The following UBE2E2 variants were observed in gnomAD, a reference collection of about 807,000 sequenced individuals.
UBE2E2 encodes ubiquitin-conjugating enzyme E2 E2.
In UBE2E2, 6 loss-of-function variants were observed where a neutral mutation model predicts 24.7. That is an observed-to-expected ratio of 0.24 (90% CI 0.13 to 0.48). The LOEUF is 0.48. Ranked by LOEUF, UBE2E2 falls within the 20% of genes least tolerant of loss-of-function variation. The probability of loss-of-function intolerance (pLI) is 0.99; values close to 1 mark genes in which losing one functional copy is unlikely to be tolerated. For synonymous variants in UBE2E2, 104 were observed against 83.6 expected (o/e 1.24, Z -1.33); for missense variants, 169 against 245.0 (o/e 0.69, Z 2.07).
chr3:23,326,698 A>T (rs1226284470), intron 3 of UBE2E2, among the ~76,000 whole-genome samples: 1 of 152,206 alleles, frequency 6.6e-6, no homozygotes, highest in Admixed American at 6.5e-5. Context: ...TTATACTTTA[A>T]GTTCTTGGGT....
intron 3 of UBE2E2, among the ~76,000 whole-genome samples, chr3:23,458,396 GGTGGT>G (rs1358212261): frequency 7.2e-6 from 1 of 139,038 alleles, no homozygotes; most frequent in East Asian, 2.7e-4. Flanking sequence ...GATCGCTGGT[GGTGGT>G]GGTGGTGGTG....
At chr3:23,419,653 C>T (rs1418321651) in intron 3 of UBE2E2, among the ~76,000 whole-genome samples, 1 of 152,166 alleles carries the variant, frequency 6.6e-6, no homozygotes, top group Non-Finnish European at 1.5e-5. Flanking sequence ...AAAAGCCAAA[C>T]TAGATTGTGA....
chr3:23,215,633 A>G (rs564594177), intron 2 of UBE2E2, among the ~76,000 whole-genome samples: 56 of 152,142 alleles, frequency 3.7e-4, no homozygotes, highest in Admixed American at 9.2e-4. Context: ...GCCTGTCTCA[A>G]CCTGTTTGAT....
Position 23,383,830 on chromosome 3 carries a change from A to AT in UBE2E2, c.228-115769dup, listed in dbSNP as rs576950550. 6.1e-3 allele frequency among the ~76,000 whole-genome samples: 915 copies of AT among 149,800 alleles called. 10 individuals carry two copies. Among genetic ancestry groups the AT allele is most frequent in the African/African-American group, 0.02 (828 of 40,952 alleles). On this transcript the variant is annotated intron_variant, in intron 3 of 5. Transcript: ENST00000396703. ...TATTCTTTGTTATTGTACCAATATG[A>AT]TTTTTTTTTAGGCTGCTGAATAGGG... is the stretch of plus-strand genomic sequence containing the variant.
chr3:23,271,222 G>A (rs529126801), intron 3 of UBE2E2: 19 of 379,156 alleles, frequency 5.0e-5, no homozygotes, highest in Non-Finnish European at 7.6e-5. Context: ...ACGGACCCTC[G>A]CGGTGAGTGT....
At chr3:23,520,275 A>G (rs1365845432) in intron 4 of UBE2E2, among the ~76,000 whole-genome samples, 1 of 152,176 alleles carries the variant, frequency 6.6e-6, no homozygotes, top group East Asian at 1.9e-4. Flanking sequence ...TAATAATAGT[A>G]CCCACCTTAC....
intron 3 of UBE2E2, among the ~76,000 whole-genome samples, chr3:23,238,297 G>T (rs886130036): frequency 2.6e-5 from 4 of 152,052 alleles, no homozygotes; most frequent in African/African-American, 9.7e-5. Context: ...CACAAGATCC[G>T]CCACTGTGAA....
At chr3:23,262,914 T>C (rs897560808) in intron 3 of UBE2E2, among the ~76,000 whole-genome samples, 14 of 152,218 alleles carry the variant, frequency 9.2e-5, no homozygotes, top group Admixed American at 9.2e-4. Flanking sequence ...TAAGCCTTAC[T>C]GTGGTCTTGA....
At chr3:23,350,986 G>C (rs1165190360) in intron 3 of UBE2E2, among the ~76,000 whole-genome samples, 1 of 152,220 alleles carries the variant, frequency 6.6e-6, no homozygotes, top group Non-Finnish European at 1.5e-5. Flanking sequence ...CAGCCAGAGA[G>C]AAAGGTCGGG....
intron 3 of UBE2E2, among the ~76,000 whole-genome samples, chr3:23,389,424 A>G (rs1057325853): frequency 5.9e-5 from 9 of 152,148 alleles, no homozygotes; most frequent in African/African-American, 1.9e-4. Flanking sequence ...GCCCCTCCAA[A>G]CTTTTTTCTG....
intron 3 of UBE2E2, among the ~76,000 whole-genome samples, chr3:23,251,848 T>C (rs1195712977): frequency 6.6e-6 from 1 of 152,214 alleles, no homozygotes; most frequent in African/African-American, 2.4e-5. Context: ...AATGATTTGC[T>C]ATACCCATAC....
At chr3:23,462,616 A>G (rs1176887349) in intron 3 of UBE2E2, among the ~76,000 whole-genome samples, 1 of 152,170 alleles carries the variant, frequency 6.6e-6, no homozygotes, top group Non-Finnish European at 1.5e-5. Flanking sequence ...TAGGAACAGG[A>G]CAAGATTAAG....
chr3:23,372,455 C>G (rs1464965971), intron 3 of UBE2E2, among the ~76,000 whole-genome samples: 1 of 152,206 alleles, frequency 6.6e-6, no homozygotes, highest in African/African-American at 2.4e-5. Flanking sequence ...TGCCTCTGCA[C>G]TATTAGTTGG....
rs151236396 is a variant in UBE2E2 at position 23,245,947 on chromosome 3, T to C, written c.227+28635T>C. Among the ~76,000 whole-genome samples, 88 of 152,312 alleles carry C rather than the reference T, an allele frequency of 5.8e-4. 3 individuals are homozygous for C. The East Asian group carries it at 0.016, about 27-fold the overall frequency. On this transcript the variant is annotated intron_variant, in intron 3 of 5. Transcript: ENST00000396703. ...ATGGATAAGTAGGTGGATAAAATGA[T>C]AAGTAAAATAACACATTTAAAAAGG...
intron 5 of UBE2E2, among the ~76,000 whole-genome samples, chr3:23,550,278 C>T (rs1477446926): frequency 6.6e-6 from 1 of 152,154 alleles, no homozygotes; most frequent in Non-Finnish European, 1.5e-5. Context: ...GAGTCTGCCT[C>T]TTTATTCCCA....
At chr3:23,249,404 A>T (rs1398142882) in intron 3 of UBE2E2, among the ~76,000 whole-genome samples, 1 of 152,204 alleles carries the variant, frequency 6.6e-6, no homozygotes. Flanking sequence ...AAAATACTGG[A>T]TATATGGTAA....
At chr3:23,260,633 T>C (rs1261821355) in intron 3 of UBE2E2, among the ~76,000 whole-genome samples, 2 of 152,028 alleles carry the variant, frequency 1.3e-5, no homozygotes, top group Non-Finnish European at 2.9e-5. Flanking sequence ...GGCAACATAG[T>C]AAAACCCCAT....
chr3:23,494,223 T>C (rs1699557368), intron 3 of UBE2E2, among the ~76,000 whole-genome samples: 1 of 152,180 alleles, frequency 6.6e-6, no homozygotes, highest in African/African-American at 2.4e-5. Context: ...TGATTCATGA[T>C]ACAGAAATAT....
intron 3 of UBE2E2, among the ~76,000 whole-genome samples, chr3:23,374,875 C>T (rs1696482711): frequency 6.6e-6 from 1 of 152,056 alleles, no homozygotes; most frequent in East Asian, 1.9e-4. Context: ...CTCATGCAAT[C>T]CTTCTGTCTC....
Sources: allele counts gnomAD v4.1 joint callset (sites outside exome capture counted in the v4.1 genomes callset), GRCh38; gene constraint gnomAD v4.1.1; transcripts MANE v1.5; gene names NCBI Gene and HGNC (gene_info 2026-07-23, HGNC 2026-07-21).